The following CSMD1 variants were observed in gnomAD, a reference collection of about 807,000 sequenced individuals.
CSMD1 encodes the protein CUB and Sushi multiple domains 1, also known as CUB and sushi domain-containing protein 1.
CSMD1 carries 213 observed loss-of-function variants against 417.5 expected under a neutral mutation model. The ratio of observed to expected loss-of-function variants is 0.51; its 90% confidence interval spans 0.46 to 0.57. CSMD1 has a LOEUF of 0.57. Ranked by LOEUF, CSMD1 falls within the 20% of genes least tolerant of loss-of-function variation. The pLI is 0.00. For missense variants in CSMD1, 6,923 were observed against 4,529.7 expected, an observed-to-expected ratio of 1.53 and a Z score of -15.17; for synonymous variants, 2,862 against 1,736.8, an observed-to-expected ratio of 1.65 and a Z score of -16.11.
At chr8:3,057,031 G>C (rs1472424392) in intron 49 of CSMD1, among the ~76,000 whole-genome samples, 2 of 152,072 alleles carry the variant, frequency 1.3e-5, no homozygotes, top group African/African-American at 2.4e-5. Flanking sequence ...AAAAATATTA[G>C]AGACAGATAA....
chr8:3,586,531 A>C (rs1394978163), intron 8 of CSMD1, among the ~76,000 whole-genome samples: 7 of 152,044 alleles, frequency 4.6e-5, no homozygotes, highest in African/African-American at 1.7e-4. Context: ...AAGACAGAAT[A>C]AAATAGCAAA....
At chr8:4,432,866 G>A (rs1011555636) in intron 2 of CSMD1, among the ~76,000 whole-genome samples, 4 of 152,138 alleles carry the variant, frequency 2.6e-5, no homozygotes, top group African/African-American at 7.2e-5. Flanking sequence ...CTCCAACCGC[G>A]AGCCACGAAT....
chr8:4,355,134 C>T (rs565536431), intron 3 of CSMD1, among the ~76,000 whole-genome samples: 4 of 151,920 alleles, frequency 2.6e-5, no homozygotes, highest in South Asian at 4.2e-4. Flanking sequence ...TGGTGGCGGG[C>T]GCCTGCAGTC....
intron 2 of CSMD1, among the ~76,000 whole-genome samples, chr8:4,614,051 A>T (rs1801339098): frequency 6.6e-6 from 1 of 152,194 alleles, no homozygotes; most frequent in African/African-American, 2.4e-5. Context: ...CAAAATTATG[A>T]TAAGCAATAT....
chr8:4,334,856 C>G (rs908783005), intron 3 of CSMD1, among the ~76,000 whole-genome samples: 3 of 152,092 alleles, frequency 2.0e-5, no homozygotes, highest in African/African-American at 7.2e-5. Context: ...TCTCATTGAT[C>G]TGGAGGCTGG....
At chr8:3,692,996 G>C (rs1480646762) in intron 7 of CSMD1, among the ~76,000 whole-genome samples, 3 of 152,012 alleles carry the variant, frequency 2.0e-5, no homozygotes, top group South Asian at 4.1e-4. Flanking sequence ...ATCATCAAAA[G>C]TAACATTAAT....
intron 1 of CSMD1, among the ~76,000 whole-genome samples, chr8:4,669,038 C>G (rs942605889): frequency 1.3e-5 from 2 of 152,054 alleles, no homozygotes; most frequent in African/African-American, 4.8e-5. Context: ...ATATTACTTT[C>G]ATCTTATATT....
At chr8:3,139,944 C>T (rs1385333148) in intron 41 of CSMD1, among the ~76,000 whole-genome samples, 2 of 150,034 alleles carry the variant, frequency 1.3e-5, no homozygotes, top group Non-Finnish European at 3.0e-5. Context: ...CCTCTGTCAC[C>T]CAGACTGGAG....
At chr8:3,986,889 G>C (rs774095717) in intron 5 of CSMD1, among the ~76,000 whole-genome samples, 4 of 151,944 alleles carry the variant, frequency 2.6e-5, no homozygotes, top group East Asian at 1.9e-4. Context: ...CAAGTAGCTG[G>C]GATTGCAGGT....
intron 2 of CSMD1, among the ~76,000 whole-genome samples, chr8:4,540,040 G>A (rs1797300998): frequency 1.3e-5 from 2 of 152,104 alleles, no homozygotes; most frequent in African/African-American, 4.8e-5. Flanking sequence ...CAAGCAGCAA[G>A]CTGAACCTCC....
chr8:4,798,082 G>T (rs779931484), intron 1 of CSMD1, among the ~76,000 whole-genome samples: 3 of 152,176 alleles, frequency 2.0e-5, no homozygotes, highest in African/African-American at 7.2e-5. Context: ...TTAAGTATGT[G>T]TAAATGTGCC....
At chr8:3,814,514 C>G (rs569750302) in intron 5 of CSMD1, among the ~76,000 whole-genome samples, 1 of 152,184 alleles carries the variant, frequency 6.6e-6, no homozygotes, top group African/African-American at 2.4e-5. Context: ...CCTTCCGTGA[C>G]GCCATTTGGC....
At chr8:4,761,894 CCTATCTAT>C (rs1184568281) in intron 1 of CSMD1, among the ~76,000 whole-genome samples, 52 of 83,798 alleles carry the variant, frequency 6.2e-4, no homozygotes, top group African/African-American at 2.3e-3. Flanking sequence ...TATCTACCTA[CCTATCTAT>C]CTATCTATCA....
intron 18 of CSMD1, chr8:3,373,581 G>T (rs936248820): frequency 6.6e-6 from 1 of 152,158 alleles, no homozygotes; most frequent in African/African-American, 2.4e-5. Flanking sequence ...TGAAATACCT[G>T]AATTACATTT....
intron 3 of CSMD1, among the ~76,000 whole-genome samples, chr8:4,268,241 A>G (rs1005353576): frequency 1.3e-5 from 2 of 152,182 alleles, no homozygotes. Context: ...AAGGTGAGCA[A>G]AAGATGGCAT....
At chr8:3,639,725 G>A (rs117235880) in intron 7 of CSMD1, among the ~76,000 whole-genome samples, 1 of 152,108 alleles carries the variant, frequency 6.6e-6, no homozygotes, top group Non-Finnish European at 1.5e-5. Context: ...ATTTCTCAAT[G>A]ATTTTTCTTT....
chr8:4,438,061 C>G (rs1798249213), intron 2 of CSMD1, among the ~76,000 whole-genome samples: 2 of 152,126 alleles, frequency 1.3e-5, no homozygotes, highest in African/African-American at 4.8e-5. Flanking sequence ...AAGGAACAGC[C>G]AATATTCACA....
Position 3,116,868 on chromosome 8 carries a change from A to G in CSMD1, c.6430+1531T>C, listed in dbSNP as rs528383181. 2.0e-5 allele frequency among the ~76,000 whole-genome samples: 3 copies of G among 152,124 alleles called. No individual in the cohort carries two copies. In the South Asian group the frequency reaches 6.2e-4, roughly 32 times the overall value. On this transcript the variant is annotated intron_variant, in intron 42 of 69. Transcript: ENST00000635120. ...CTGATAATTTCAAAAGAATTTATACATATATATGAGTTTCTAGAACGGAAA... is the reference window on the plus strand; with the variant it reads ...CTGATAATTTCAAAAGAATTTATACGTATATATGAGTTTCTAGAACGGAAA...
At chr8:3,493,011 G>C (rs1467258190) in intron 11 of CSMD1, among the ~76,000 whole-genome samples, 3 of 152,140 alleles carry the variant, frequency 2.0e-5, no homozygotes, top group African/African-American at 4.8e-5. Context: ...AAGAGGTGTT[G>C]GCTGGGTGCG....
Sources: gnomAD v4.1 joint callset for allele counts (sites outside exome capture counted in the v4.1 genomes callset) on GRCh38, gnomAD v4.1.1 for gene constraint, MANE v1.5 for transcripts, NCBI Gene and HGNC (gene_info 2026-07-23, HGNC 2026-07-21) for gene names.